The following ATF7 variants were observed in gnomAD, a reference collection of about 807,000 sequenced individuals.
ATF7 encodes the protein activating transcription factor 7.
In ATF7, 10 loss-of-function variants were observed where a neutral mutation model predicts 50.4. The observed-to-expected ratio is 0.20, with a 90% CI of 0.12 to 0.34. The LOEUF is 0.34. Among genes scored for constraint, ATF7 ranks in the 10% least tolerant of loss-of-function variants. The pLI is 1.00. For synonymous variants in ATF7, 201 were observed against 226.4 expected (o/e 0.89, Z 1.01); for missense variants, 465 against 613.9 (o/e 0.76, Z 2.56).
In ATF7 at chr12:53,543,444, T is replaced by C; in HGVS notation, c.150A>G (p.Gln50=). Residue 50 remains glutamine, a synonymous_variant, in exon 4 of 12, where the codon CAA becomes CAG. Transcript: ENST00000420353. ...TCAGGAATCTAGTTGGAGTAGGCGT[T>C]TGATCTGTAGACATGAAAGAAAAGG... ...ARTDSVIIAD[Q]TPTPTRFLKN... 1.3e-6 allele frequency: 2 copies of C among 1,591,340 alleles called. No homozygotes were observed. Among genetic ancestry groups the C allele is most frequent in the Non-Finnish European group, 1.7e-6 (2 of 1,167,698 alleles).
chr12:53,535,581 C>T (rs983783958), intron 5 of ATF7, among the ~76,000 whole-genome samples: 2 of 151,862 alleles, frequency 1.3e-5, no homozygotes, highest in Non-Finnish European at 2.9e-5. Context: ...CTACTGACTT[C>T]GTGAAAATTC....
chr12:53,600,794 A>T, intron 2 of ATF7, 159 bp downstream of exon 2: 2 of 649,696 alleles, frequency 3.1e-6, no homozygotes, highest in Non-Finnish European at 5.3e-6. Context: ...TAGAGTGCCT[A>T]CACTTCCTCA....
At chr12:53,523,408 G>A (rs1445701778) in intron 10 of ATF7, 24 bp from the exon 11 acceptor site, 1 of 1,554,216 alleles carries the variant, frequency 6.4e-7, no homozygotes, top group Admixed American at 1.7e-5. Context: ...GAAGAAAAGA[G>A]TATCAAGAAA....
chr12:53,578,554 G>A (rs1942224790), intron 2 of ATF7, among the ~76,000 whole-genome samples: 1 of 151,928 alleles, frequency 6.6e-6, no homozygotes, highest in African/African-American at 2.4e-5. Flanking sequence ...GGCTGAGGCG[G>A]GAGGACTGCT....
rs1592760869 is a variant in ATF7, at chr12:53,515,483, A to G, written c.*1654T>C. On this transcript the variant is annotated 3_prime_UTR_variant, in exon 12 of 12. Coordinates refer to ENST00000420353, the MANE Select transcript of ATF7 (RefSeq NM_006856.3). Reference sequence around the variant, plus strand: ...TGGAAGGGTTTCATACGGAAAGGCAATTAAAGCTGACCTATCTATCCACAG... The same window carrying G: ...TGGAAGGGTTTCATACGGAAAGGCAGTTAAAGCTGACCTATCTATCCACAG... 6.6e-6 allele frequency: 1 copy of G among 152,220 alleles called. No homozygotes were observed. Among genetic ancestry groups the G allele is most frequent in the Non-Finnish European group, 1.5e-5 (1 of 68,058 alleles). The allele number at this position is 152,220 out of a possible 1,614,324, so 9.4% of individuals were successfully genotyped here. A position where few individuals can be genotyped will look rare whatever the true frequency, so the allele number is the denominator to read the frequency against.
At position 53,534,599 on chromosome 12, in the gene ATF7, A is replaced by G. The variant is rs1592808002; in HGVS notation, c.463T>C (p.Ser155Pro). 6.2e-7 allele frequency: 1 copy of G among 1,613,636 alleles called. No individual in the cohort carries two copies. The highest frequency in any genetic ancestry group is 1.7e-5 in the Admixed American group (1 of 59,908). Residue 155 changes from serine (S) to proline (P), a missense_variant, in exon 6 of 12, where the codon TCC (serine) becomes CCC (proline). Ser to Pro is a moderately conservative substitution (Grantham distance 74). Transcript: ENST00000420353. ...TCATAGCCCAAGTGGAGAGGCAGGGAGCCAGGACGTACAATGGTGGGTGTG... is the reference window on the plus strand; with the variant it reads ...TCATAGCCCAAGTGGAGAGGCAGGGGGCCAGGACGTACAATGGTGGGTGTG... ...TPTPTIVRPG[S>P]LPLHLGYDPL...
rs760825979 is a variant in ATF7, at chr12:53,532,532, G to C, written c.752C>G (p.Pro251Arg). 3 of 1,603,236 alleles carry C rather than the reference G, an allele frequency of 1.9e-6. No homozygotes were observed. The highest frequency in any genetic ancestry group is 2.7e-5 in the African/African-American group (2 of 74,860). ...CACCATCTTGGCTTCTGATGGTATA[G>C]GGTGGCCAGAGGGAGAAATGGAGCC... ...SSGSISPSGHPIPSEAKMRLK... is the reference protein window; with the variant it reads ...SSGSISPSGHRIPSEAKMRLK... The change falls in exon 8 of 12, where the codon CCT becomes CGT. Residue 251 changes from proline to arginine, a missense_variant. Transcript: ENST00000420353.
chr12:53,551,428 T>C (rs896971128), intron 3 of ATF7, among the ~76,000 whole-genome samples: 6 of 152,010 alleles, frequency 3.9e-5, no homozygotes, highest in Non-Finnish European at 8.8e-5. Context: ...TCCCAAAGCA[T>C]TGGGATTACA....
At chr12:53,548,960 G>C (rs759991618) in intron 3 of ATF7, among the ~76,000 whole-genome samples, 1 of 152,066 alleles carries the variant, frequency 6.6e-6, no homozygotes, top group Non-Finnish European at 1.5e-5. Context: ...ACTCCAGCCT[G>C]AGCAACAGAG....
At chr12:53,621,299 T>G (rs570724804) in intron 1 of ATF7, among the ~76,000 whole-genome samples, 1 of 152,298 alleles carries the variant, frequency 6.6e-6, no homozygotes, top group East Asian at 1.9e-4. Flanking sequence ...TCATGTTGTA[T>G]AGCATTGTTC....
At chr12:53,568,219 C>T (rs1309585300) in intron 2 of ATF7, among the ~76,000 whole-genome samples, 1 of 152,162 alleles carries the variant, frequency 6.6e-6, no homozygotes, top group Non-Finnish European at 1.5e-5. Context: ...ACCACAATAA[C>T]AAAAACCCTG....
rs918348496 is a variant in ATF7, at chr12:53,526,883, G to A, written c.928-2122C>T. Reference sequence around the variant, plus strand: ...GTAAAAAATAAAAAAGTTGGGCCGGGCGCCGTGGCTCACGCCTGTAATCCC... The same window carrying A: ...GTAAAAAATAAAAAAGTTGGGCCGGACGCCGTGGCTCACGCCTGTAATCCC... On this transcript the variant is annotated intron_variant, in intron 9 of 11. Coordinates refer to ENST00000420353, the MANE Select transcript of ATF7 (RefSeq NM_006856.3). 2.7e-5 allele frequency among the ~76,000 whole-genome samples: 4 copies of A among 149,142 alleles called. No individual in the cohort carries two copies. In the Admixed American group the frequency reaches 2.7e-4, roughly 10 times the overall value.
intron 1 of ATF7, among the ~76,000 whole-genome samples, chr12:53,613,983 G>T (rs1944005564): frequency 6.6e-6 from 1 of 151,934 alleles, no homozygotes; most frequent in Admixed American, 6.6e-5. Flanking sequence ...TGCAGAAACT[G>T]GCTTCAAAGA....
chr12:53,618,340 C>T (rs1206965407), intron 1 of ATF7, among the ~76,000 whole-genome samples: 2 of 152,160 alleles, frequency 1.3e-5, no homozygotes, highest in Non-Finnish European at 2.9e-5. Context: ...ATAACTAATG[C>T]TATCAGATGG....
chr12:53,516,975 A>T lies in ATF7; in HGVS notation c.*162T>A. 2.5e-6 allele frequency: 2 copies of T among 789,724 alleles called. No individual in the cohort carries two copies. The highest frequency in any genetic ancestry group is 4.1e-6 in the Non-Finnish European group (2 of 492,974). The allele number at this position is 789,724 out of a possible 1,614,324, so 48.9% of individuals were successfully genotyped here. A position where few individuals can be genotyped will look rare whatever the true frequency, so the allele number is the denominator to read the frequency against. On this transcript the variant is annotated 3_prime_UTR_variant, in exon 12 of 12. Transcript: ENST00000420353. Reference sequence around the variant, plus strand: ...CCAGCACAGGTGTCAAACGTACATGACCACATGGCTAAAAAGCCCCATATC... The same window carrying T: ...CCAGCACAGGTGTCAAACGTACATGTCCACATGGCTAAAAAGCCCCATATC...
chr12:53,606,377 T>C (rs1301608403), intron 1 of ATF7, among the ~76,000 whole-genome samples: 1 of 152,050 alleles, frequency 6.6e-6, no homozygotes, highest in Non-Finnish European at 1.5e-5. Context: ...GCCTCCCAAG[T>C]AGCTGAGATT....
chr12:53,619,358 T>C (rs1944279077), intron 1 of ATF7, among the ~76,000 whole-genome samples: 1 of 149,980 alleles, frequency 6.7e-6, no homozygotes, highest in Non-Finnish European at 1.5e-5. Context: ...CGTGGTGGCA[T>C]GTGCCTGCAG....
At chr12:53,567,434 G>A (rs1941500608) in intron 2 of ATF7, among the ~76,000 whole-genome samples, 1 of 152,196 alleles carries the variant, frequency 6.6e-6, no homozygotes, top group South Asian at 2.1e-4. Flanking sequence ...TGGAGTTTTA[G>A]ACTGGAGCAG....
intron 2 of ATF7, among the ~76,000 whole-genome samples, chr12:53,596,969 C>T (rs575596150): frequency 5.9e-5 from 9 of 152,268 alleles, no homozygotes; most frequent in African/African-American, 1.9e-4. Context: ...AACACTAACC[C>T]CATTCTCAGG....
Sources: allele counts gnomAD v4.1 joint callset (sites outside exome capture counted in the v4.1 genomes callset), GRCh38; gene constraint gnomAD v4.1.1; transcripts MANE v1.5; gene names NCBI Gene and HGNC (gene_info 2026-07-23, HGNC 2026-07-21).